The following SHANK2 variants were observed in gnomAD, a reference collection of about 807,000 sequenced individuals.
The protein encoded by SHANK2 is SH3 and multiple ankyrin repeat domains protein 2.
Under a neutral mutation model 133.7 loss-of-function variants are expected in SHANK2, and 43 were observed. That is an observed-to-expected ratio of 0.32 (90% CI 0.25 to 0.41). SHANK2 has a LOEUF of 0.41. SHANK2 is among the 10% of genes least tolerant of loss of function. The pLI is 1.00. For synonymous variants in SHANK2, 1,017 were observed against 952.8 expected (o/e 1.07, Z -1.24); for missense variants, 1,994 against 2,235.8 (o/e 0.89, Z 2.18).
At position 71,167,699 on chromosome 11, in the gene SHANK2, C is replaced by T. The variant is rs1457501502; in HGVS notation, c.-12-20361G>A. Among the ~76,000 whole-genome samples, 20 of 135,274 alleles carry T rather than the reference C, an allele frequency of 1.5e-4. No homozygotes were observed. The East Asian group carries it at 4.2e-3, about 28-fold the overall frequency. 88.7% of individuals were successfully genotyped at this position (135,274 alleles called of 152,430 possible). ...CCCTCCACCTCCCTCCTGGACGGAG[C>T]GGCTGGCCGGGCAGAGGGGCTCCTC... On this transcript the variant is annotated intron_variant, in intron 2 of 25. Transcript: ENST00000601538.
At chr11:71,070,698 T>G (rs1951131400) in intron 9 of SHANK2, among the ~76,000 whole-genome samples, 1 of 152,276 alleles carries the variant, frequency 6.6e-6, no homozygotes. Flanking sequence ...AAAGTTTTAT[T>G]GGAACACGGC....
intron 17 of SHANK2, among the ~76,000 whole-genome samples, chr11:70,545,477 C>T (rs1554976146): frequency 6.6e-6 from 1 of 152,108 alleles, no homozygotes; most frequent in Non-Finnish European, 1.5e-5. Flanking sequence ...CACCTCAGCG[C>T]CCACTGCAGA....
Position 70,833,005 on chromosome 11 carries a change from GCGTCCTCAC to G in SHANK2, c.1175-12332_1175-12324del, listed in dbSNP as rs1475751763. 9.3e-4 allele frequency among the ~76,000 whole-genome samples: 141 copies of G among 152,368 alleles called. 1 individual carries two copies. Among genetic ancestry groups the G allele is most frequent in the Admixed American group, 4.6e-3 (70 of 15,310 alleles). On this transcript the variant is annotated intron_variant, in intron 11 of 25. Coordinates refer to ENST00000601538, the MANE Select transcript of SHANK2 (RefSeq NM_012309.5). The stretch of plus-strand genomic sequence containing the variant: ...CAGAGCAGCCTGGCCAGCGTCCTCA[GCGTCCTCAC>G]TGCATTTGGAGTTCCCTGCACCCCA...
chr11:70,587,627 T>G (rs1257115109), intron 17 of SHANK2, among the ~76,000 whole-genome samples: 1 of 152,182 alleles, frequency 6.6e-6, no homozygotes, highest in Non-Finnish European at 1.5e-5. Flanking sequence ...CCCCTTGCTT[T>G]ATTGTGCTTT....
At chr11:70,757,288 G>T (rs782604484) in intron 14 of SHANK2, among the ~76,000 whole-genome samples, 1 of 152,162 alleles carries the variant, frequency 6.6e-6, no homozygotes, top group African/African-American at 2.4e-5. Context: ...CTCTAGCCTC[G>T]GTTTCCTTAT....
chr11:71,251,769 C>G (rs868909344), intron 1 of SHANK2, among the ~76,000 whole-genome samples: 2 of 150,934 alleles, frequency 1.3e-5, no homozygotes, highest in Non-Finnish European at 3.0e-5. Flanking sequence ...GCCCGACCCG[C>G]CACCCCCGGG....
At position 70,875,524 on chromosome 11, in the gene SHANK2, AAACAACAACAACAACAAC is replaced by A. The variant is rs71049946; in HGVS notation, c.1174+20959_1174+20976del. 4.1e-5 allele frequency among the ~76,000 whole-genome samples: 6 copies of A among 146,566 alleles called. No homozygotes were observed. In the East Asian group the frequency reaches 1.0e-3, roughly 25 times the overall value. On this transcript the variant is annotated intron_variant, in intron 11 of 25. Transcript: ENST00000601538. The stretch of plus-strand genomic sequence containing the variant: ...GGGAGACAGAGTGAGACTCCGTCTC[AAACAACAACAACAACAAC>A]AACAACAACAACAACAACAAATATT...
At chr11:71,189,785 G>C (rs1215550214) in intron 2 of SHANK2, among the ~76,000 whole-genome samples, 4 of 152,258 alleles carry the variant, frequency 2.6e-5, no homozygotes, top group Non-Finnish European at 5.9e-5. Flanking sequence ...TCCATGTCCA[G>C]AGCTCCCCTC....
In SHANK2 at chr11:70,473,528, C is replaced by T. The variant is rs187848308; in HGVS notation, c.4980-89G>A. The stretch of plus-strand genomic sequence containing the variant: ...AGATCACCCAGGAAGGCGAGGGAGA[C>T]GCCCAAACCATGCCAGAGTGTCTAG... On this transcript the variant is annotated intron_variant, in intron 25 of 25. Coordinates refer to ENST00000601538, the MANE Select transcript of SHANK2 (RefSeq NM_012309.5). This position sits in a 1 kb window ranked among gnomAD's most constrained non-coding sequence, Gnocchi z 5.9. 190 of 1,308,824 alleles carry T rather than the reference C, an allele frequency of 1.5e-4. No individual in the cohort carries two copies. Among genetic ancestry groups the T allele is most frequent in the Middle Eastern group, 7.2e-4 (4 of 5,548 alleles). The allele number at this position is 1,308,824 out of a possible 1,614,324, so 81.1% of individuals were successfully genotyped here.
chr11:70,602,899 T>C (rs999404242), intron 17 of SHANK2, among the ~76,000 whole-genome samples: 15 of 152,306 alleles, frequency 9.8e-5, no homozygotes, highest in African/African-American at 2.9e-4. Flanking sequence ...CTGTCTATCA[T>C]ATGATAGAGT....
chr11:70,814,909 T>G (rs954235823), intron 12 of SHANK2, among the ~76,000 whole-genome samples: 1 of 151,580 alleles, frequency 6.6e-6, no homozygotes, highest in South Asian at 2.1e-4. Flanking sequence ...AGAGTTGTTC[T>G]GAACCCGGGA....
At chr11:70,541,808 C>G (rs1554975208) in intron 17 of SHANK2, among the ~76,000 whole-genome samples, 1 of 152,256 alleles carries the variant, frequency 6.6e-6, no homozygotes, top group Admixed American at 6.5e-5. Flanking sequence ...TCCCCCACAA[C>G]AGAGAATTGC....
intron 2 of SHANK2, among the ~76,000 whole-genome samples, chr11:71,163,093 A>AAAAATATATATAT: frequency 3.5e-5 from 3 of 84,704 alleles, no homozygotes; most frequent in Non-Finnish European, 5.1e-5. Flanking sequence ...AAAAAAAAAA[A>AAAAATATATATAT]ATACATATAT....
intron 6 of SHANK2, among the ~76,000 whole-genome samples, chr11:71,097,241 T>C (rs1490478955): frequency 6.6e-6 from 1 of 152,110 alleles, no homozygotes; most frequent in Admixed American, 6.5e-5. Context: ...CCACCACATT[T>C]GCAAAGAGCA....
intron 11 of SHANK2, among the ~76,000 whole-genome samples, chr11:70,836,337 T>G (rs1456325660): frequency 6.6e-6 from 1 of 152,168 alleles, no homozygotes; most frequent in Non-Finnish European, 1.5e-5. Flanking sequence ...CCTTGCTGCT[T>G]GAGACCTCAG....
At chr11:70,726,068 G>A (rs545068069) in intron 14 of SHANK2, among the ~76,000 whole-genome samples, 1 of 152,328 alleles carries the variant, frequency 6.6e-6, no homozygotes, top group East Asian at 1.9e-4. Flanking sequence ...GCTTCTCCAT[G>A]CTCAGCTGAG....
chr11:70,923,267 G>A (rs1332423444), intron 10 of SHANK2, among the ~76,000 whole-genome samples: 1 of 152,184 alleles, frequency 6.6e-6, no homozygotes, highest in Non-Finnish European at 1.5e-5. Context: ...TTTTGAGATG[G>A]AGTCTTTCTC....
chr11:70,724,183 A>C (rs1946129826), intron 14 of SHANK2, among the ~76,000 whole-genome samples: 1 of 151,844 alleles, frequency 6.6e-6, no homozygotes, highest in Non-Finnish European at 1.5e-5. Flanking sequence ...TTACAGGTGC[A>C]CACCACCACT....
intron 1 of SHANK2, among the ~76,000 whole-genome samples, chr11:71,230,006 A>C (rs1954714871): frequency 1.3e-5 from 2 of 152,200 alleles, no homozygotes; most frequent in African/African-American, 4.8e-5. Flanking sequence ...AATCTCAGCA[A>C]AATTTTTTTG....
Sources: gnomAD v4.1 joint callset for allele counts (sites outside exome capture counted in the v4.1 genomes callset) on GRCh38, gnomAD v4.1.1 for gene constraint, Gnocchi (gnomAD v3.1) non-coding constraint, MANE v1.5 for transcripts, NCBI Gene and HGNC (gene_info 2026-07-23, HGNC 2026-07-21) for gene names.